Variants in GAB2 observed in about 807,000 individuals in gnomAD.
GAB2 encodes the protein GRB2 associated binding protein 2.
A neutral mutation model predicts 65.5 loss-of-function variants in GAB2; 26 were observed. The observed-to-expected ratio is 0.40, with a 90% CI of 0.29 to 0.55. The LOEUF is 0.55. Ranked by LOEUF, GAB2 falls within the 20% of genes least tolerant of loss-of-function variation. The pLI, the probability that GAB2 is intolerant of heterozygous loss-of-function variation, is 0.53. For synonymous variants in GAB2, 321 were observed against 329.6 expected (o/e 0.97, Z 0.28); for missense variants, 884 against 875.8 (o/e 1.01, Z -0.12).
chr11:78,332,779 T>C (rs931336241), intron 1 of GAB2, among the ~76,000 whole-genome samples: 3 of 152,200 alleles, frequency 2.0e-5, no homozygotes, highest in African/African-American at 4.8e-5. Flanking sequence ...TTAAGAAGTG[T>C]TGTTTATTGA....
chr11:78,383,667 A>G (rs1162359558), intron 1 of GAB2, among the ~76,000 whole-genome samples: 3 of 150,826 alleles, frequency 2.0e-5, no homozygotes, highest in African/African-American at 7.3e-5. Flanking sequence ...CTGAGGTGGG[A>G]GGATGGCTTC....
At chr11:78,230,445 G>T (rs1430250379) in intron 3 of GAB2, among the ~76,000 whole-genome samples, 1 of 152,158 alleles carries the variant, frequency 6.6e-6, no homozygotes, top group Admixed American at 6.5e-5. Flanking sequence ...CTCTACAAAG[G>T]TATTACAGGT....
chr11:78,359,099 G>A (rs1278880555), intron 1 of GAB2, among the ~76,000 whole-genome samples: 1 of 152,106 alleles, frequency 6.6e-6, no homozygotes, highest in Admixed American at 6.5e-5. Context: ...AAGAGACGTG[G>A]ATGATAGAGT....
In GAB2 at chr11:78,220,321, T is replaced by C. The variant is rs759410247; in HGVS notation, c.1885A>G (p.Lys629Glu). The C allele has an allele frequency of 7.4e-6, 12 of 1,612,194 alleles. No individual in the cohort carries two copies. The South Asian group carries it at 1.3e-4, about 18-fold the overall frequency. ...CCCCCCAACTCTACTCCAGGCACCT[T>C]GCGGTGGGGGCTTGGGGAGCTCGGC... is the stretch of plus-strand genomic sequence containing the variant. ...FQPSSPSPHR[K>E]PSTSSVTSDE... Residue 629 changes from lysine (K) to glutamate (E), a missense_variant and splice_region_variant, in exon 9 of 10, where the codon AAG (lysine) becomes GAG (glutamate). Physicochemically the swap from Lys to Glu is moderately conservative, Grantham distance 56. Coordinates refer to ENST00000361507, the MANE Select transcript of GAB2 (RefSeq NM_080491.3).
At chr11:78,388,846 G>A (rs766171263) in intron 1 of GAB2, among the ~76,000 whole-genome samples, 18 of 152,272 alleles carry the variant, frequency 1.2e-4, no homozygotes, top group Non-Finnish European at 2.6e-4. Context: ...GAACTAGAGC[G>A]AGAAAGAAAG....
intron 2 of GAB2, among the ~76,000 whole-genome samples, chr11:78,270,259 G>A (rs1237204334): frequency 1.3e-5 from 2 of 151,912 alleles, no homozygotes; most frequent in Non-Finnish European, 2.9e-5. Flanking sequence ...CCCGGGAGGT[G>A]GAGGGTGGAG....
intron 1 of GAB2, among the ~76,000 whole-genome samples, chr11:78,303,050 G>A (rs1867076895): frequency 6.6e-6 from 1 of 152,192 alleles, no homozygotes; most frequent in South Asian, 2.1e-4. Flanking sequence ...TCGGGAAAGG[G>A]TGAGAGGAGG....
intron 1 of GAB2, among the ~76,000 whole-genome samples, chr11:78,322,643 C>CA (rs1855748073): frequency 6.6e-6 from 1 of 151,850 alleles, no homozygotes; most frequent in African/African-American, 2.4e-5. Flanking sequence ...ATAAAGTGGG[C>CA]AAAGGACATG....
chr11:78,335,576 CTCTAT>C (rs1469955901), intron 1 of GAB2, among the ~76,000 whole-genome samples: 1 of 152,144 alleles, frequency 6.6e-6, no homozygotes, highest in Non-Finnish European at 1.5e-5. Context: ...TTTCTGGGTT[CTCTAT>C]TCTATTCCAT....
intron 2 of GAB2, among the ~76,000 whole-genome samples, chr11:78,271,106 T>C (rs990247393): frequency 5.3e-5 from 8 of 152,248 alleles, no homozygotes; most frequent in African/African-American, 1.9e-4. Context: ...CTAACAGGGG[T>C]TGACTCCTGA....
chr11:78,246,361 G>A (rs1175359452), intron 3 of GAB2, among the ~76,000 whole-genome samples: 2 of 152,188 alleles, frequency 1.3e-5, no homozygotes, highest in Non-Finnish European at 2.9e-5. Flanking sequence ...GTTTGTACCT[G>A]TGACTTCCAT....
intron 2 of GAB2, among the ~76,000 whole-genome samples, chr11:78,264,391 TA>T (rs1422388137): frequency 1.4e-5 from 2 of 145,578 alleles, no homozygotes; most frequent in Non-Finnish European, 3.0e-5. Context: ...AGGAATTTTT[TA>T]AAAATTTCTT....
At chr11:78,259,745 A>G (rs1865684625) in intron 2 of GAB2, among the ~76,000 whole-genome samples, 2 of 152,112 alleles carry the variant, frequency 1.3e-5, no homozygotes, top group East Asian at 3.8e-4. Context: ...TACCTCTCAA[A>G]TCTCTCATCT....
chr11:78,265,895 T>C (rs1034193237), intron 2 of GAB2, among the ~76,000 whole-genome samples: 9 of 152,136 alleles, frequency 5.9e-5, no homozygotes, highest in African/African-American at 2.2e-4. Context: ...TGTGTAACTA[T>C]TTACAATTTA....
chr11:78,261,465 T>C (rs991795378), intron 2 of GAB2, among the ~76,000 whole-genome samples: 5 of 152,216 alleles, frequency 3.3e-5, no homozygotes, highest in Non-Finnish European at 7.3e-5. Flanking sequence ...AGTGAGGTTT[T>C]CTGGGTTGTG....
At chr11:78,393,267 T>C (rs2135067783) in intron 1 of GAB2, among the ~76,000 whole-genome samples, 1 of 152,360 alleles carries the variant, frequency 6.6e-6, no homozygotes, top group Admixed American at 6.5e-5. Context: ...CCCTCCCTAC[T>C]GCTGGAGATT....
intron 1 of GAB2, among the ~76,000 whole-genome samples, chr11:78,294,164 C>T (rs973202498): frequency 3.9e-5 from 6 of 152,066 alleles, no homozygotes; most frequent in Non-Finnish European, 5.9e-5. Context: ...TGAGAACATG[C>T]GGTGTTTGGT....
intron 1 of GAB2, among the ~76,000 whole-genome samples, chr11:78,370,712 CGT>C (rs1554995526): frequency 9.7e-5 from 12 of 123,210 alleles, no homozygotes; most frequent in African/African-American, 2.3e-4. Flanking sequence ...TGTGTGTGTG[CGT>C]GTGTGTGTGT....
intron 2 of GAB2, among the ~76,000 whole-genome samples, chr11:78,253,520 C>T (rs962220886): frequency 6.6e-6 from 1 of 152,144 alleles, no homozygotes; most frequent in African/African-American, 2.4e-5. Context: ...TCTTGAACTT[C>T]TGGCCTTAAT....
Sources: allele counts gnomAD v4.1 joint callset (sites outside exome capture counted in the v4.1 genomes callset), GRCh38; gene constraint gnomAD v4.1.1; transcripts MANE v1.5; gene names NCBI Gene and HGNC (gene_info 2026-07-23, HGNC 2026-07-21).